HS3ST4: variants seen among roughly 807,000 people sequenced by gnomAD.
The protein encoded by HS3ST4 is heparan sulfate glucosamine 3-O-sulfotransferase 4.
Under a neutral mutation model 29.2 loss-of-function variants are expected in HS3ST4, and 17 were observed. The ratio of observed to expected loss-of-function variants is 0.58; its 90% CI spans 0.40 to 0.87. The LOEUF is 0.87. HS3ST4 is among the 40% of genes least tolerant of loss of function. HS3ST4 has a pLI of 0.00. For missense variants in HS3ST4, 627 were observed against 634.5 expected (o/e 0.99, Z 0.13); for synonymous variants, 314 against 285.7 (o/e 1.10, Z -1.00).
chr16:25,701,768 C>A (rs1364619214), intron 1 of HS3ST4, among the ~76,000 whole-genome samples: 1 of 152,164 alleles, frequency 6.6e-6, no homozygotes, highest in Non-Finnish European at 1.5e-5. Flanking sequence ...TGAAAGAACT[C>A]ACAGAGTGGA....
chr16:25,753,406 T>C (rs1267642125), intron 1 of HS3ST4, among the ~76,000 whole-genome samples: 1 of 152,226 alleles, frequency 6.6e-6, no homozygotes, highest in Non-Finnish European at 1.5e-5. Flanking sequence ...ACATTAGTGA[T>C]TGATGGCCAG....
rs115489782 is a variant in HS3ST4, at chr16:25,878,351, C to T, written c.734+185200C>T. Among the ~76,000 whole-genome samples, 1,170 of 152,240 alleles carry T rather than the reference C, an allele frequency of 7.7e-3. 11 individuals carry two copies. The highest frequency in any genetic ancestry group is 0.027 in the African/African-American group (1,105 of 41,538). ...TGTTAATCATTCCCAGATTCTTTAA[C>T]CACCAGGGGTGTAATTCTAAATTCC... On this transcript the variant is annotated intron_variant, in intron 1 of 1. Coordinates refer to ENST00000331351, the MANE Select transcript of HS3ST4 (RefSeq NM_006040.3).
chr16:25,815,891 C>A (rs1967088754), intron 1 of HS3ST4, among the ~76,000 whole-genome samples: 1 of 152,186 alleles, frequency 6.6e-6, no homozygotes, highest in African/African-American at 2.4e-5. Context: ...TAATGATTTT[C>A]AATATCCATT....
At chr16:26,126,949 C>T (rs541659004) in intron 1 of HS3ST4, among the ~76,000 whole-genome samples, 6 of 152,110 alleles carry the variant, frequency 3.9e-5, no homozygotes, top group African/African-American at 1.4e-4. Flanking sequence ...TGTTCACCCT[C>T]CCTGGAGATA....
At chr16:25,960,961 A>C (rs1968788024) in intron 1 of HS3ST4, among the ~76,000 whole-genome samples, 1 of 152,202 alleles carries the variant, frequency 6.6e-6, no homozygotes, top group Non-Finnish European at 1.5e-5. Context: ...TCAGAGAATT[A>C]AGCTGGAGCA....
intron 1 of HS3ST4, among the ~76,000 whole-genome samples, chr16:25,696,837 G>A (rs1596546334): frequency 1.3e-5 from 2 of 152,072 alleles, no homozygotes; most frequent in South Asian, 4.3e-4. Flanking sequence ...GGTGTTTACC[G>A]AATGCCTGCC....
At chr16:25,697,020 T>C (rs537960734) in intron 1 of HS3ST4, among the ~76,000 whole-genome samples, 1 of 152,374 alleles carries the variant, frequency 6.6e-6, no homozygotes, top group South Asian at 2.1e-4. Flanking sequence ...TTGAACCTGC[T>C]GTCTAATTTC....
intron 1 of HS3ST4, among the ~76,000 whole-genome samples, chr16:25,902,882 G>C (rs911948221): frequency 6.6e-6 from 1 of 151,944 alleles, no homozygotes; most frequent in Non-Finnish European, 1.5e-5. Context: ...TGGATTGCTC[G>C]AGCCCAGGAG....
At chr16:26,062,882 A>C in intron 1 of HS3ST4, 1 of 254,596 alleles carries the variant, frequency 3.9e-6, no homozygotes, top group East Asian at 9.7e-5. Flanking sequence ...TTCTGGCACC[A>C]AAGTTGGAGA....
At chr16:25,877,691 G>C (rs1967847123) in intron 1 of HS3ST4, among the ~76,000 whole-genome samples, 1 of 151,850 alleles carries the variant, frequency 6.6e-6, no homozygotes, top group East Asian at 1.9e-4. Context: ...AGCCCCCAGA[G>C]CTATGAGATA....
chr16:26,073,146 TC>T (rs1898620121), intron 1 of HS3ST4, among the ~76,000 whole-genome samples: 1 of 152,172 alleles, frequency 6.6e-6, no homozygotes, highest in Non-Finnish European at 1.5e-5. Context: ...ATTGAGCACT[TC>T]CTCTGTGCCT....
At chr16:26,042,050 A>C (rs1969640604) in intron 1 of HS3ST4, among the ~76,000 whole-genome samples, 1 of 152,216 alleles carries the variant, frequency 6.6e-6, no homozygotes. Flanking sequence ...CCTGGCAAGC[A>C]GCAAAAGCTT....
intron 1 of HS3ST4, among the ~76,000 whole-genome samples, chr16:25,969,148 A>G (rs1280166712): frequency 1.3e-5 from 2 of 152,180 alleles, no homozygotes; most frequent in East Asian, 3.9e-4. Flanking sequence ...ACTACTAGTG[A>G]TAGCTATTAC....
At chr16:25,733,667 A>T (rs1966587336) in intron 1 of HS3ST4, among the ~76,000 whole-genome samples, 1 of 151,706 alleles carries the variant, frequency 6.6e-6, no homozygotes, top group African/African-American at 2.4e-5. Context: ...CCTGTCCCAA[A>T]TTTGCTGTAT....
chr16:25,858,587 C>CT (rs947418181), intron 1 of HS3ST4, among the ~76,000 whole-genome samples: 17 of 151,876 alleles, frequency 1.1e-4, no homozygotes, highest in Admixed American at 7.9e-4. Context: ...GCAATGTATG[C>CT]TTTTTTTTAA....
chr16:25,919,183 A>G (rs1968321930), intron 1 of HS3ST4, among the ~76,000 whole-genome samples: 1 of 151,894 alleles, frequency 6.6e-6, no homozygotes, highest in Non-Finnish European at 1.5e-5. Flanking sequence ...GCATGCCACC[A>G]CTCCTGGCTA....
intron 1 of HS3ST4, among the ~76,000 whole-genome samples, chr16:25,723,484 A>G (rs1966510448): frequency 6.6e-6 from 1 of 152,204 alleles, no homozygotes; most frequent in South Asian, 2.1e-4. Flanking sequence ...TCAGGGTTCT[A>G]GGAATACACA....
intron 1 of HS3ST4, among the ~76,000 whole-genome samples, chr16:25,945,502 A>C (rs1444284882): frequency 1.3e-5 from 2 of 152,170 alleles, no homozygotes; most frequent in African/African-American, 2.4e-5. Context: ...CCTTTGGTAT[A>C]TTCTGAGAAT....
At chr16:25,841,253 C>A (rs1287638984) in intron 1 of HS3ST4, among the ~76,000 whole-genome samples, 2 of 152,012 alleles carry the variant, frequency 1.3e-5, no homozygotes, top group African/African-American at 4.8e-5. Context: ...GATCCACCCT[C>A]CTCGGCCTCC....
Sources: gnomAD v4.1 joint callset for allele counts (sites outside exome capture counted in the v4.1 genomes callset) on GRCh38, gnomAD v4.1.1 for gene constraint, MANE v1.5 for transcripts, NCBI Gene and HGNC (gene_info 2026-07-23, HGNC 2026-07-21) for gene names.